Variants in PRR5L observed in about 807,000 individuals in gnomAD.
PRR5L encodes the protein proline rich 5 like, also known as proline-rich protein 5-like.
In PRR5L, 21 loss-of-function variants were observed where a neutral mutation model predicts 36.4. The observed-to-expected ratio is 0.58, with a 90% CI of 0.41 to 0.83. The LOEUF (loss-of-function observed/expected upper bound fraction) is 0.83, where lower values mean the gene tolerates loss of function less well. Among genes scored for constraint, PRR5L ranks in the 40% least tolerant of loss-of-function variants. The pLI, the probability that PRR5L is intolerant of heterozygous loss-of-function variation, is 0.00. For missense variants in PRR5L, 381 were observed against 473.3 expected (o/e 0.80, Z 1.81); for synonymous variants, 188 against 197.0 (o/e 0.95, Z 0.38).
intron 1 of PRR5L, among the ~76,000 whole-genome samples, chr11:36,313,275 A>G (rs1319965977): frequency 6.6e-6 from 1 of 152,098 alleles, no homozygotes; most frequent in African/African-American, 2.4e-5. Flanking sequence ...CCTCTTGATG[A>G]TTTAATCTTG....
chr11:36,378,895 T>G (rs1857322617), intron 1 of PRR5L, among the ~76,000 whole-genome samples: 1 of 152,224 alleles, frequency 6.6e-6, no homozygotes, highest in African/African-American at 2.4e-5. Context: ...CACACAGGGA[T>G]GGAGCTGAGA....
At chr11:36,408,756 A>G (rs772260949) in intron 3 of PRR5L, among the ~76,000 whole-genome samples, 2 of 152,160 alleles carry the variant, frequency 1.3e-5, no homozygotes, top group Non-Finnish European at 2.9e-5. Flanking sequence ...CTTTTCTGCC[A>G]CCTCTCCCAC....
At chr11:36,378,989 T>C (rs1184774454) in intron 1 of PRR5L, among the ~76,000 whole-genome samples, 6 of 152,210 alleles carry the variant, frequency 3.9e-5, no homozygotes, top group African/African-American at 1.4e-4. Context: ...GCTCACGTTA[T>C]AGTTGATTAG....
chr11:36,318,209 A>G (rs541319960), intron 1 of PRR5L, among the ~76,000 whole-genome samples: 130 of 152,324 alleles, frequency 8.5e-4, no homozygotes, highest in African/African-American at 3.0e-3. Context: ...TGTATCAGGT[A>G]CATTCTGTGA....
chr11:36,386,393 A>G (rs1375583039), intron 1 of PRR5L: 1 of 152,270 alleles, frequency 6.6e-6, no homozygotes, highest in Non-Finnish European at 1.5e-5. Context: ...CCAGGATACA[A>G]TAGTGAACAA....
intron 1 of PRR5L, among the ~76,000 whole-genome samples, chr11:36,359,293 A>AT (rs34193883): frequency 1.3e-5 from 2 of 152,172 alleles, no homozygotes; most frequent in Admixed American, 6.5e-5. Context: ...TTATTGAAAG[A>AT]TTTTGTCTTA....
intron 1 of PRR5L, among the ~76,000 whole-genome samples, chr11:36,378,830 A>G (rs1322971262): frequency 1.2e-4 from 18 of 152,230 alleles, no homozygotes; most frequent in Admixed American, 1.2e-3. Flanking sequence ...TATCCCTATC[A>G]TATAGATGAG....
chr11:36,334,330 T>C (rs765430479), intron 1 of PRR5L, among the ~76,000 whole-genome samples: 3 of 152,220 alleles, frequency 2.0e-5, no homozygotes, highest in Non-Finnish European at 4.4e-5. Context: ...TACATCTGAT[T>C]GTATTTCCCT....
intron 8 of PRR5L, among the ~76,000 whole-genome samples, chr11:36,452,029 T>C (rs1858956383): frequency 6.6e-6 from 1 of 151,950 alleles, no homozygotes; most frequent in African/African-American, 2.4e-5. Context: ...AAAATAGCTC[T>C]CAGACCAGTC....
intron 1 of PRR5L, among the ~76,000 whole-genome samples, chr11:36,395,069 T>C (rs1365047706): frequency 1.3e-5 from 2 of 152,228 alleles, no homozygotes; most frequent in Non-Finnish European, 2.9e-5. Context: ...ACTAAGAATT[T>C]CTGGACCCTT....
At chr11:36,395,494 C>G (rs964012780) in intron 1 of PRR5L, among the ~76,000 whole-genome samples, 2 of 152,164 alleles carry the variant, frequency 1.3e-5, no homozygotes, top group African/African-American at 4.8e-5. Flanking sequence ...TTGGACAGCA[C>G]AAATACGGAA....
intron 1 of PRR5L, among the ~76,000 whole-genome samples, chr11:36,373,931 T>C (rs2133514791): frequency 6.6e-6 from 1 of 152,368 alleles, no homozygotes; most frequent in Admixed American, 6.5e-5. Context: ...TTCTAGAAAC[T>C]TGGGCAATAT....
At position 36,446,393 on chromosome 11, in the gene PRR5L, C is replaced by T; in HGVS notation, c.538C>T (p.Gln180Ter). 1 of 1,614,200 alleles carries T rather than the reference C, an allele frequency of 6.2e-7. No homozygotes were observed. The highest frequency in any genetic ancestry group is 8.5e-7 in the Non-Finnish European group (1 of 1,180,042). ...VKLGDLLLLA[Q>*]SKLPSSIVQM... ...GCTGGGTGACCTGCTGCTGCTGGCC[C>T]AGTCCAAGCTGCCCTCGTCCATTGT... Residue 180 changes from glutamine (Q) to a stop codon, truncating the protein, a stop_gained, in exon 7 of 9, where the codon CAG becomes TAG. Coordinates refer to ENST00000530639, the MANE Select transcript of PRR5L (RefSeq NM_001160167.2). LOFTEE classifies it high-confidence loss of function.
intron 1 of PRR5L, among the ~76,000 whole-genome samples, chr11:36,365,828 C>T (rs2133506357): frequency 6.6e-6 from 1 of 152,336 alleles, no homozygotes; most frequent in East Asian, 1.9e-4. Flanking sequence ...GAACTGCCCA[C>T]CAGTTAACGC....
At chr11:36,319,964 G>A (rs1201091653) in intron 1 of PRR5L, among the ~76,000 whole-genome samples, 9 of 152,176 alleles carry the variant, frequency 5.9e-5, no homozygotes, top group African/African-American at 2.2e-4. Flanking sequence ...TGTTTCTGTA[G>A]GGAAAATTAG....
intron 8 of PRR5L, among the ~76,000 whole-genome samples, chr11:36,456,128 C>T (rs539209800): frequency 4.0e-4 from 61 of 152,296 alleles, no homozygotes; most frequent in African/African-American, 1.4e-3. Flanking sequence ...AGCACAGAGG[C>T]CCTGTCCTTC....
chr11:36,351,119 A>C (rs1169328322), intron 1 of PRR5L, among the ~76,000 whole-genome samples: 2 of 111,968 alleles, frequency 1.8e-5, no homozygotes, highest in African/African-American at 3.6e-5. Flanking sequence ...ATTTATAAAT[A>C]TATGTATTTT....
At chr11:36,435,121 A>T (rs372191397) in intron 5 of PRR5L, among the ~76,000 whole-genome samples, 1 of 152,092 alleles carries the variant, frequency 6.6e-6, no homozygotes, top group Non-Finnish European at 1.5e-5. Flanking sequence ...GGGGTAAATT[A>T]TCCAGGTGCT....
At chr11:36,353,598 G>A (rs183168525) in intron 1 of PRR5L, among the ~76,000 whole-genome samples, 35 of 152,234 alleles carry the variant, frequency 2.3e-4, no homozygotes, top group Admixed American at 2.3e-3. Flanking sequence ...ATTTTTCCAC[G>A]GAGGGTTAGG....
Sources: allele counts gnomAD v4.1 joint callset (sites outside exome capture counted in the v4.1 genomes callset), GRCh38; gene constraint gnomAD v4.1.1; transcripts MANE v1.5; gene names NCBI Gene and HGNC (gene_info 2026-07-23, HGNC 2026-07-21).